The following CDYL2 variants were observed in gnomAD, a reference collection of about 807,000 sequenced individuals.
CDYL2 encodes chromodomain Y-like protein 2.
Under a neutral mutation model 49.4 loss-of-function variants are expected in CDYL2, and 23 were observed. The observed-to-expected ratio is 0.47, with a 90% CI of 0.34 to 0.66. The LOEUF (loss-of-function observed/expected upper bound fraction) is 0.66, where lower values mean the gene tolerates loss of function less well. Ranked by LOEUF, CDYL2 falls within the 30% of genes least tolerant of loss-of-function variation. CDYL2 has a pLI of 0.01. For missense variants in CDYL2, 678 were observed against 656.4 expected (o/e 1.03, Z -0.36); for synonymous variants, 360 against 268.8 (o/e 1.34, Z -3.32).
Position 80,767,045 on chromosome 16 carries a change from C to T in CDYL2, c.24+37105G>A, listed in dbSNP as rs1349854421. Among the ~76,000 whole-genome samples the T allele has an allele frequency of 3.3e-5, 5 of 152,146 alleles. No homozygotes were observed. In the East Asian group the frequency reaches 9.6e-4, roughly 29 times the overall value. On this transcript the variant is annotated intron_variant, in intron 1 of 6. Coordinates refer to ENST00000570137, the MANE Select transcript of CDYL2 (RefSeq NM_152342.4). Reference sequence around the variant, plus strand: ...TGACACTGGTCATTGCAGACCTAGGCTGTGAACTTATCAGTGTGGTCCCAG... The same window carrying T: ...TGACACTGGTCATTGCAGACCTAGGTTGTGAACTTATCAGTGTGGTCCCAG...
chr16:80,789,837 A>C (rs1172975007), intron 1 of CDYL2, among the ~76,000 whole-genome samples: 2 of 152,336 alleles, frequency 1.3e-5, no homozygotes, highest in Admixed American at 6.5e-5. Flanking sequence ...GTATGTTCTC[A>C]CTTGTAGATG....
chr16:80,652,108 G>A (rs1908608959), intron 2 of CDYL2, among the ~76,000 whole-genome samples: 1 of 152,074 alleles, frequency 6.6e-6, no homozygotes, highest in Non-Finnish European at 1.5e-5. Context: ...CAGCTGAGAG[G>A]GCCCAGAATC....
At chr16:80,667,295 G>A (rs376618123) in intron 2 of CDYL2, among the ~76,000 whole-genome samples, 20 of 152,244 alleles carry the variant, frequency 1.3e-4, no homozygotes, top group South Asian at 2.1e-4. Flanking sequence ...TCAGCCTCCC[G>A]TGCAGGCTGC....
intron 1 of CDYL2, among the ~76,000 whole-genome samples, chr16:80,707,796 C>G (rs1001422480): frequency 6.6e-6 from 1 of 152,176 alleles, no homozygotes; most frequent in Non-Finnish European, 1.5e-5. Context: ...TATCTGAACC[C>G]TGGCTCAGGT....
intron 1 of CDYL2, among the ~76,000 whole-genome samples, chr16:80,757,040 C>T (rs1906335659): frequency 6.6e-6 from 1 of 152,058 alleles, no homozygotes; most frequent in African/African-American, 2.4e-5. Context: ...GTAAGACTCC[C>T]ATCACAATTA....
At chr16:80,781,018 C>T (rs1440349882) in intron 1 of CDYL2, among the ~76,000 whole-genome samples, 1 of 152,202 alleles carries the variant, frequency 6.6e-6, no homozygotes, top group Admixed American at 6.5e-5. Context: ...TTGTCCAAAA[C>T]ACTTCTCTAT....
In CDYL2 at chr16:80,620,919, C is replaced by T. The variant is rs1341942086; in HGVS notation, c.851G>A (p.Arg284Gln). ...TGTGGCTGCGTTGCAGAGCGCTCGC[C>T]GGACTTCTTTCATGATCTGCCGGCA... The part of the protein sequence containing the change: ...ALTPEIMKEV[R>Q]RALCNAATDD... Residue 284 changes from arginine (R) to glutamine (Q), a missense_variant, in exon 4 of 7, where the codon CGG (arginine) becomes CAG (glutamine). By Grantham distance (43) the Arg-to-Gln change is conservative. Around this residue, in one of 3 missense-constraint regions of CDYL2, gnomAD observed 478 missense variants for 427.0 expected, o/e 1.12. Transcript: ENST00000570137. 12 of 1,601,714 alleles carry T rather than the reference C, an allele frequency of 7.5e-6. No homozygotes were observed. Among genetic ancestry groups the T allele is most frequent in the Non-Finnish European group, 1.0e-5 (12 of 1,172,284 alleles).
intron 1 of CDYL2, among the ~76,000 whole-genome samples, chr16:80,730,376 CA>C (rs1227359328): frequency 4.6e-5 from 7 of 152,056 alleles, no homozygotes; most frequent in Admixed American, 4.6e-4. Flanking sequence ...TTCCTCGACA[CA>C]TACACTCTCC....
At chr16:80,655,215 A>G (rs1233594835) in intron 2 of CDYL2, among the ~76,000 whole-genome samples, 1 of 152,228 alleles carries the variant, frequency 6.6e-6, no homozygotes, top group African/African-American at 2.4e-5. Context: ...CAGATAAGGA[A>G]AAGTGAGTAC....
intron 1 of CDYL2, among the ~76,000 whole-genome samples, chr16:80,744,239 G>A (rs923939142): frequency 1.3e-5 from 2 of 152,108 alleles, no homozygotes; most frequent in African/African-American, 2.4e-5. Flanking sequence ...CGCTGGGTCT[G>A]GTTAGCACAT....
At chr16:80,744,394 C>A (rs898014621) in intron 1 of CDYL2, among the ~76,000 whole-genome samples, 1 of 152,128 alleles carries the variant, frequency 6.6e-6, no homozygotes, top group African/African-American at 2.4e-5. Context: ...TCCTTTAACA[C>A]CAGCTTTACA....
At chr16:80,745,147 A>T (rs537409686) in intron 1 of CDYL2, among the ~76,000 whole-genome samples, 1 of 152,314 alleles carries the variant, frequency 6.6e-6, no homozygotes, top group South Asian at 2.1e-4. Context: ...CTGCAAGTTC[A>T]ACAAACCAAT....
intron 1 of CDYL2, among the ~76,000 whole-genome samples, chr16:80,759,387 C>G (rs995298489): frequency 2.6e-5 from 4 of 151,802 alleles, no homozygotes; most frequent in African/African-American, 9.7e-5. Context: ...AAGTCTAGTC[C>G]TAAGCAATGT....
chr16:80,637,175 A>T (rs1336510568), intron 2 of CDYL2, among the ~76,000 whole-genome samples: 1 of 151,904 alleles, frequency 6.6e-6, no homozygotes, highest in Non-Finnish European at 1.5e-5. Flanking sequence ...CACGTTCTGT[A>T]TATGTATACA....
intron 1 of CDYL2, among the ~76,000 whole-genome samples, chr16:80,707,866 A>C (rs557800263): frequency 3.3e-5 from 5 of 152,212 alleles, no homozygotes; most frequent in African/African-American, 1.2e-4. Context: ...ATCACTGTAC[A>C]CTGGGAAAAT....
chr16:80,755,197 A>G (rs551249640), intron 1 of CDYL2, among the ~76,000 whole-genome samples: 1 of 152,290 alleles, frequency 6.6e-6, no homozygotes, highest in East Asian at 1.9e-4. Context: ...TACTCAGCAA[A>G]TGTAAATTTC....
chr16:80,672,234 T>G (rs1395446092), intron 2 of CDYL2, among the ~76,000 whole-genome samples: 39 of 151,310 alleles, frequency 2.6e-4, no homozygotes, highest in Admixed American at 2.5e-3. Context: ...ATATGAAGAG[T>G]TGCCCAATAT....
rs761338715 is a variant in CDYL2 at position 80,604,518 on chromosome 16, C to G, written c.1391G>C (p.Arg464Pro). 6.2e-7 allele frequency: 1 copy of G among 1,614,132 alleles called. No homozygotes were observed. Among genetic ancestry groups the G allele is most frequent in the Non-Finnish European group, 8.5e-7 (1 of 1,180,010 alleles). The stretch of plus-strand genomic sequence containing the variant: ...TTCCAGCACTGATTTCAGGAAGCTC[C>G]GCACGAGGCATTTGGACTCCTCTAA... Reference protein sequence around the residue: ...VVLEESKCLVRSFLKSVLEDV... With the variant: ...VVLEESKCLVPSFLKSVLEDV... Residue 464 changes from arginine (R) to proline (P), a missense_variant, in exon 7 of 7, where the codon CGG (arginine) becomes CCG (proline). This residue lies in a region of CDYL2 where 153 missense variants were observed against 150.6 expected (regional missense o/e 1.02). Coordinates refer to ENST00000570137, the MANE Select transcript of CDYL2 (RefSeq NM_152342.4).
At chr16:80,770,093 TTGTC>T (rs1233114478) in intron 1 of CDYL2, among the ~76,000 whole-genome samples, 3 of 151,776 alleles carry the variant, frequency 2.0e-5, no homozygotes, top group Admixed American at 2.0e-4. Flanking sequence ...GTTAAAACAA[TTGTC>T]TGAGAATTAA....
Sources: gnomAD v4.1 joint callset for allele counts (sites outside exome capture counted in the v4.1 genomes callset) on GRCh38, gnomAD v4.1.1 for gene constraint, gnomAD v4.1.1 regional missense constraint, MANE v1.5 for transcripts, NCBI Gene and HGNC (gene_info 2026-07-23, HGNC 2026-07-21) for gene names.